FRMD5: variants seen among roughly 807,000 people sequenced by gnomAD.
FRMD5 encodes FERM domain-containing protein 5.
FRMD5 carries 20 observed loss-of-function variants against 69.0 expected under a neutral mutation model. The ratio of observed to expected loss-of-function variants is 0.29; its 90% confidence interval spans 0.20 to 0.42. FRMD5 has a LOEUF of 0.42. FRMD5 is among the 10% of genes least tolerant of loss of function. The probability of loss-of-function intolerance (pLI) is 1.00; values close to 1 mark genes in which losing one functional copy is unlikely to be tolerated. For missense variants in FRMD5, 595 were observed against 708.6 expected (o/e 0.84, Z 1.82); for synonymous variants, 271 against 260.1 (o/e 1.04, Z -0.40).
At chr15:43,946,326 A>G (rs1046448172) in intron 1 of FRMD5, among the ~76,000 whole-genome samples, 1 of 152,202 alleles carries the variant, frequency 6.6e-6, no homozygotes, top group Non-Finnish European at 1.5e-5. Context: ...GTAAATACTT[A>G]TAAGTTAATA....
At chr15:44,081,422 A>C (rs1338715883) in intron 1 of FRMD5, among the ~76,000 whole-genome samples, 1 of 152,112 alleles carries the variant, frequency 6.6e-6, no homozygotes, top group African/African-American at 2.4e-5. Context: ...ATTGTGATTC[A>C]TAAAGAGATC....
chr15:43,986,397 T>C (rs1467200804), intron 1 of FRMD5, among the ~76,000 whole-genome samples: 4 of 152,214 alleles, frequency 2.6e-5, no homozygotes, highest in African/African-American at 9.6e-5. Context: ...TGTGAGATTA[T>C]TGACATTGCT....
At chr15:43,920,847 G>A (rs1411059802) in intron 2 of FRMD5, among the ~76,000 whole-genome samples, 1 of 152,164 alleles carries the variant, frequency 6.6e-6, no homozygotes, top group African/African-American at 2.4e-5. Flanking sequence ...TAATGTCTTG[G>A]CAGAGTCCTC....
intron 1 of FRMD5, among the ~76,000 whole-genome samples, chr15:44,006,661 G>C (rs371948325): frequency 6.6e-6 from 1 of 152,164 alleles, no homozygotes; most frequent in African/African-American, 2.4e-5. Context: ...TCCAACCCTT[G>C]ATTTCAAGCT....
At chr15:44,080,474 A>G (rs941139854) in intron 1 of FRMD5, among the ~76,000 whole-genome samples, 5 of 152,278 alleles carry the variant, frequency 3.3e-5, no homozygotes, top group African/African-American at 9.6e-5. Context: ...GTAATCAGAA[A>G]TGGAAAGTTT....
At chr15:44,166,634 A>AT (rs1193662554) in intron 1 of FRMD5, among the ~76,000 whole-genome samples, 4 of 151,900 alleles carry the variant, frequency 2.6e-5, no homozygotes, top group African/African-American at 4.8e-5. Context: ...AAATACAAAA[A>AT]TTAGCTGGGC....
chr15:44,126,316 T>G (rs2077024297), intron 1 of FRMD5, among the ~76,000 whole-genome samples: 1 of 152,260 alleles, frequency 6.6e-6, no homozygotes, highest in South Asian at 2.1e-4. Flanking sequence ...CAGGTGCTAC[T>G]TTCCATAGAT....
intron 1 of FRMD5, among the ~76,000 whole-genome samples, chr15:44,145,747 T>C (rs1163681560): frequency 2.0e-5 from 3 of 152,162 alleles, no homozygotes; most frequent in Admixed American, 6.5e-5. Flanking sequence ...AACACATGGC[T>C]ACCAAGGATA....
intron 1 of FRMD5, among the ~76,000 whole-genome samples, chr15:44,027,327 CAAAA>C (rs879320387): frequency 4.6e-5 from 7 of 151,600 alleles, no homozygotes; most frequent in Non-Finnish European, 8.8e-5. Flanking sequence ...ACAACAAAAA[CAAAA>C]AAAACCCAAA....
At chr15:43,926,832 C>A (rs1250495680) in intron 1 of FRMD5, among the ~76,000 whole-genome samples, 2 of 150,224 alleles carry the variant, frequency 1.3e-5, no homozygotes, top group African/African-American at 2.5e-5. Flanking sequence ...ACCAAGCTAG[C>A]TAAGACCCAC....
chr15:43,960,456 C>T (rs914862911), intron 1 of FRMD5, among the ~76,000 whole-genome samples: 3 of 152,108 alleles, frequency 2.0e-5, no homozygotes, highest in Non-Finnish European at 4.4e-5. Context: ...TCACTGTATC[C>T]GTCAGGATGG....
chr15:43,985,963 A>G (rs2412850), intron 1 of FRMD5, among the ~76,000 whole-genome samples: 125,323 of 152,222 alleles, frequency 0.82, 54,470 homozygotes, highest in Non-Finnish European at 0.95. Context: ...GTGGGCCTGA[A>G]GGAATGCAGG....
chr15:43,905,821 C>T lies in FRMD5; in HGVS notation c.551+7G>A, dbSNP rs761798532. 3 of 1,613,922 alleles carry T rather than the reference C, an allele frequency of 1.9e-6. No homozygotes were observed. Among genetic ancestry groups the T allele is most frequent in the Non-Finnish European group, 2.5e-6 (3 of 1,180,014 alleles). Reference sequence around the variant, plus strand: ...CAATGTTCTGGGCCTGATTAAGTGCCACGTACCTCAGTTCCGTCTTGTGAA... The same window carrying T: ...CAATGTTCTGGGCCTGATTAAGTGCTACGTACCTCAGTTCCGTCTTGTGAA... On this transcript the variant is annotated splice_region_variant and intron_variant, in intron 6 of 13. Transcript: ENST00000417257.
At chr15:44,062,477 G>A (rs925011980) in intron 1 of FRMD5, among the ~76,000 whole-genome samples, 2 of 152,074 alleles carry the variant, frequency 1.3e-5, no homozygotes, top group Non-Finnish European at 2.9e-5. Context: ...GATCACTTGA[G>A]ACCAAGAGTT....
chr15:43,910,495 A>G (rs1167176101), intron 4 of FRMD5, among the ~76,000 whole-genome samples: 4 of 150,184 alleles, frequency 2.7e-5, no homozygotes, highest in Non-Finnish European at 4.4e-5. Flanking sequence ...GACCTTTGAA[A>G]TGGAATAAAG....
intron 1 of FRMD5, among the ~76,000 whole-genome samples, chr15:44,157,998 A>G (rs2140490965): frequency 6.6e-6 from 1 of 152,272 alleles, no homozygotes; most frequent in Non-Finnish European, 1.5e-5. Context: ...GGAGTGATAA[A>G]GATTGACCTT....
chr15:44,076,243 T>C (rs1487980300), intron 1 of FRMD5, among the ~76,000 whole-genome samples: 1 of 151,858 alleles, frequency 6.6e-6, no homozygotes, highest in Admixed American at 6.6e-5. Flanking sequence ...GAACTAGAAA[T>C]ACCATTTGAC....
chr15:44,071,624 T>G (rs1893544333), intron 1 of FRMD5, among the ~76,000 whole-genome samples: 1 of 152,206 alleles, frequency 6.6e-6, no homozygotes, highest in African/African-American at 2.4e-5. Context: ...AATGCTGTGT[T>G]CTCTATCATG....
At chr15:43,902,119 T>C in intron 7 of FRMD5, 56 bp downstream of exon 7, 1 of 1,318,340 alleles carries the variant, frequency 7.6e-7, no homozygotes, top group Non-Finnish European at 1.1e-6. Context: ...GGGCTCTTGC[T>C]CCTGATGCCT....
Sources: gnomAD v4.1 joint callset for allele counts (sites outside exome capture counted in the v4.1 genomes callset) on GRCh38, gnomAD v4.1.1 for gene constraint, MANE v1.5 for transcripts, NCBI Gene and HGNC (gene_info 2026-07-23, HGNC 2026-07-21) for gene names.